Variants in NDUFA10 observed in about 807,000 individuals in gnomAD.
NDUFA10 encodes the protein NADH:ubiquinone oxidoreductase subunit A10, also known as NADH dehydrogenase [ubiquinone] 1 alpha subcomplex subunit 10, mitochondrial.
A neutral mutation model predicts 47.8 loss-of-function variants in NDUFA10; 40 were observed. The ratio of observed to expected loss-of-function variants is 0.84; its 90% CI spans 0.65 to 1.09. The LOEUF (loss-of-function observed/expected upper bound fraction) is 1.09, where lower values mean the gene tolerates loss of function less well. Among genes scored for constraint, NDUFA10 ranks in the 50% least tolerant of loss-of-function variants. The pLI is 0.00. For synonymous variants in NDUFA10, 183 were observed against 172.2 expected (o/e 1.06, Z -0.49); for missense variants, 413 against 451.1 (o/e 0.92, Z 0.76).
chr2:240,024,746 G>C (rs916725714), intron 1 of NDUFA10, among the ~76,000 whole-genome samples: 1 of 152,196 alleles, frequency 6.6e-6, no homozygotes, highest in Admixed American at 6.5e-5. Flanking sequence ...AAGAAGGTGG[G>C]GGCAAAATGC....
intron 9 of NDUFA10, chr2:239,982,340 AG>A: frequency 7.3e-7 from 1 of 1,372,412 alleles, no homozygotes; most frequent in Non-Finnish European, 9.8e-7. Context: ...TTTTCTAAAA[AG>A]ATTCTTGTCT....
chr2:239,894,077 C>T (rs868654714), intron 5 of NDUFA10, among the ~76,000 whole-genome samples: 3 of 148,688 alleles, frequency 2.0e-5, no homozygotes, highest in Admixed American at 6.7e-5. Context: ...CCCTGCCTTC[C>T]GTCCTCAGCT....
At chr2:239,914,114 C>T (rs1194751908) in intron 4 of NDUFA10, among the ~76,000 whole-genome samples, 1 of 152,166 alleles carries the variant, frequency 6.6e-6, no homozygotes, top group South Asian at 2.1e-4. Flanking sequence ...GCAACACACA[C>T]AGACACACAC....
chr2:239,908,743 G>A (rs189272512), intron 4 of NDUFA10, among the ~76,000 whole-genome samples: 43 of 152,320 alleles, frequency 2.8e-4, no homozygotes, highest in East Asian at 1.5e-3. Flanking sequence ...GAAAGTGAGC[G>A]TGAGAGGTCT....
chr2:239,983,150 G>A (rs1695849840), intron 9 of NDUFA10, among the ~76,000 whole-genome samples: 1 of 152,216 alleles, frequency 6.6e-6, no homozygotes, highest in Admixed American at 6.5e-5. Context: ...AGGCTCAGGA[G>A]GGAGGGGACT....
At chr2:239,930,451 C>A (rs1437510944) in intron 4 of NDUFA10, among the ~76,000 whole-genome samples, 2 of 151,856 alleles carry the variant, frequency 1.3e-5, no homozygotes, top group African/African-American at 2.4e-5. Context: ...CTGATCGCCA[C>A]TTCGCCGAGA....
At chr2:239,942,644 G>A (rs1374725268) in intron 4 of NDUFA10, among the ~76,000 whole-genome samples, 2 of 151,696 alleles carry the variant, frequency 1.3e-5, no homozygotes, top group Non-Finnish European at 2.9e-5. Flanking sequence ...TTCACGAGCT[G>A]TGCGTCCTCT....
chr2:240,018,401 A>G, intron 4 of NDUFA10, 152 bp downstream of exon 4: 1 of 1,548,080 alleles, frequency 6.5e-7, no homozygotes, highest in South Asian at 1.2e-5. Context: ...ATACTTAGGA[A>G]GTTCCTTTTT....
In NDUFA10 at chr2:240,021,261, C is replaced by T. The variant is rs984625074; in HGVS notation, c.396G>A (p.Gln132=). 3 of 1,614,116 alleles carry T rather than the reference C, an allele frequency of 1.9e-6. No individual in the cohort carries two copies. Among genetic ancestry groups the T allele is most frequent in the Non-Finnish European group, 2.5e-6 (3 of 1,180,058 alleles). ...RSNDGNSYRL[Q]SWLYSSRLLQ... is the part of the protein sequence containing the mutation. ...GCAGGCGACTGCTGTACAACCAGGACTGCAGGCGGTAACTGTTGCCATCAT... is the reference window on the plus strand; with the variant it reads ...GCAGGCGACTGCTGTACAACCAGGATTGCAGGCGGTAACTGTTGCCATCAT... The change falls in exon 3 of 10, where the codon CAG becomes CAA. Residue 132 remains glutamine, a synonymous_variant. Transcript: ENST00000252711.
chr2:239,915,297 G>A (rs964594803), intron 4 of NDUFA10, among the ~76,000 whole-genome samples: 4 of 139,648 alleles, frequency 2.9e-5, no homozygotes, highest in African/African-American at 1.1e-4. Flanking sequence ...GACACAGACA[G>A]AGAGACAGAG....
chr2:239,997,760 C>T (rs1024275189), intron 8 of NDUFA10, among the ~76,000 whole-genome samples: 1 of 152,148 alleles, frequency 6.6e-6, no homozygotes, highest in African/African-American at 2.4e-5. Flanking sequence ...TGTAAATGGC[C>T]GGATAGCAAA....
chr2:240,009,959 TA>T (rs1275155108), intron 6 of NDUFA10, among the ~76,000 whole-genome samples: 1 of 152,220 alleles, frequency 6.6e-6, no homozygotes, highest in African/African-American at 2.4e-5. Context: ...TAATGGCCAA[TA>T]AATTTTAAAA....
chr2:239,985,087 G>GCCCCC (rs2106435026), intron 9 of NDUFA10, among the ~76,000 whole-genome samples: 1 of 152,204 alleles, frequency 6.6e-6, no homozygotes, highest in African/African-American at 2.4e-5. Flanking sequence ...ATGACTCCAG[G>GCCCCC]CAAAGTCTCC....
chr2:240,014,689 A>C (rs761118295), intron 5 of NDUFA10, 50 bp downstream of exon 5: 1 of 1,613,360 alleles, frequency 6.2e-7, no homozygotes, highest in Non-Finnish European at 8.5e-7. Context: ...TTTAGTGCTG[A>C]TCTACATTCA....
chr2:239,911,668 A>AGTGTGTGTGTGTGT (rs1209330426), intron 4 of NDUFA10, among the ~76,000 whole-genome samples: 8 of 79,194 alleles, frequency 1.0e-4, no homozygotes, highest in African/African-American at 2.5e-4. Context: ...AAAACATGAG[A>AGTGTGTGTGTGTGT]GAGTGTGTGT....
intron 9 of NDUFA10, among the ~76,000 whole-genome samples, chr2:239,971,144 T>C (rs759704651): frequency 2.0e-5 from 3 of 152,256 alleles, no homozygotes; most frequent in African/African-American, 4.8e-5. Flanking sequence ...TCTCAAATGC[T>C]ACTTTGTAAG....
chr2:239,976,302 C>T (rs1451443733), intron 9 of NDUFA10, among the ~76,000 whole-genome samples: 1 of 152,140 alleles, frequency 6.6e-6, no homozygotes, highest in Non-Finnish European at 1.5e-5. Context: ...AGACCCTGTG[C>T]GATCTCGCCC....
intron 4 of NDUFA10, chr2:240,017,734 G>C: frequency 8.7e-7 from 1 of 1,148,584 alleles, no homozygotes; most frequent in Non-Finnish European, 1.3e-6. Context: ...TCTTGCGGGC[G>C]GCAAGCTCAC....
At chr2:239,966,085 T>C (rs1051557346) in intron 9 of NDUFA10, among the ~76,000 whole-genome samples, 26 of 152,220 alleles carry the variant, frequency 1.7e-4, no homozygotes, top group African/African-American at 6.3e-4. Flanking sequence ...GCAGCTAAGC[T>C]GCCCTCCACC....
Sources: gnomAD v4.1 joint callset for allele counts (sites outside exome capture counted in the v4.1 genomes callset) on GRCh38, gnomAD v4.1.1 for gene constraint, MANE v1.5 for transcripts, NCBI Gene and HGNC (gene_info 2026-07-23, HGNC 2026-07-21) for gene names.